The following ANKS1B variants were observed in gnomAD, a reference collection of about 807,000 sequenced individuals.
ANKS1B encodes the protein ankyrin repeat and sterile alpha motif domain-containing protein 1B.
In ANKS1B, 36 loss-of-function variants were observed where a neutral mutation model predicts 148.3. That is an observed-to-expected ratio of 0.24 (90% confidence interval 0.19 to 0.32). The LOEUF (loss-of-function observed/expected upper bound fraction) is 0.32, where lower values mean the gene tolerates loss of function less well. Among genes scored for constraint, ANKS1B ranks in the 10% least tolerant of loss-of-function variants. The pLI, the probability that ANKS1B is intolerant of heterozygous loss-of-function variation, is 1.00. For missense variants in ANKS1B, 1,157 were observed against 1,542.6 expected, an observed-to-expected ratio of 0.75 and a Z score of 4.19; for synonymous variants, 542 against 560.8, an observed-to-expected ratio of 0.97 and a Z score of 0.47.
chr12:99,632,268 T>C (rs1286343125), intron 9 of ANKS1B, among the ~76,000 whole-genome samples: 2 of 151,732 alleles, frequency 1.3e-5, no homozygotes, highest in Admixed American at 6.6e-5. Context: ...CTGTGGAGGC[T>C]TGGCAGCCTC....
chr12:99,205,664 C>T (rs1478424419), intron 14 of ANKS1B, among the ~76,000 whole-genome samples: 3 of 152,116 alleles, frequency 2.0e-5, no homozygotes, highest in Admixed American at 6.6e-5. Context: ...TTGGGGGTTA[C>T]TTTGTGCTGT....
intron 12 of ANKS1B, among the ~76,000 whole-genome samples, chr12:99,342,867 T>C (rs909626371): frequency 2.6e-5 from 4 of 151,976 alleles, no homozygotes; most frequent in African/African-American, 9.7e-5. Context: ...TAATGTTTTG[T>C]CTTTATGAAT....
At chr12:99,104,637 T>C (rs929882300) in intron 15 of ANKS1B, 1 of 152,242 alleles carries the variant, frequency 6.6e-6, no homozygotes, top group Non-Finnish European at 1.5e-5. Flanking sequence ...AAATAAATCC[T>C]TGTGGAATTG....
chr12:98,989,293 G>A (rs10128795), intron 17 of ANKS1B, among the ~76,000 whole-genome samples: 26,187 of 152,056 alleles, frequency 0.17, 2,453 homozygotes, highest in Non-Finnish European at 0.21. Flanking sequence ...ATATATGGTA[G>A]GAGATAAGGA....
chr12:99,547,433 G>A (rs1224914698), intron 9 of ANKS1B, among the ~76,000 whole-genome samples: 1 of 152,130 alleles, frequency 6.6e-6, no homozygotes, highest in Non-Finnish European at 1.5e-5. Context: ...GAGGAATATA[G>A]GAACTTAAAC....
At chr12:99,674,508 C>T (rs1348475571) in intron 8 of ANKS1B, among the ~76,000 whole-genome samples, 4 of 151,722 alleles carry the variant, frequency 2.6e-5, no homozygotes, top group Non-Finnish European at 5.9e-5. Flanking sequence ...TAAAACACTA[C>T]AGGACTTGTG....
At chr12:98,755,087 T>C (rs1490526307) in intron 25 of ANKS1B, among the ~76,000 whole-genome samples, 1 of 151,944 alleles carries the variant, frequency 6.6e-6, no homozygotes, top group Non-Finnish European at 1.5e-5. Context: ...TTCCAAGTGC[T>C]GTGTTGCCCA....
chr12:99,772,241 C>G, intron 8 of ANKS1B, among the ~76,000 whole-genome samples: 1 of 152,076 alleles, frequency 6.6e-6, no homozygotes, highest in Admixed American at 6.6e-5. Context: ...CTAATCTTAT[C>G]TCCCCTCTTT....
chr12:99,302,154 G>A (rs2081724822), intron 12 of ANKS1B, among the ~76,000 whole-genome samples: 1 of 152,054 alleles, frequency 6.6e-6, no homozygotes, highest in Non-Finnish European at 1.5e-5. Flanking sequence ...TACTGATTTA[G>A]TTCATATGAA....
intron 9 of ANKS1B, among the ~76,000 whole-genome samples, chr12:99,622,131 T>A (rs1324024505): frequency 6.6e-6 from 1 of 151,978 alleles, no homozygotes; most frequent in African/African-American, 2.4e-5. Flanking sequence ...GAAAATTAAA[T>A]AACTTTCTGC....
chr12:98,958,768 T>C (rs1568019367), intron 17 of ANKS1B, among the ~76,000 whole-genome samples: 1 of 152,224 alleles, frequency 6.6e-6, no homozygotes, highest in East Asian at 1.9e-4. Flanking sequence ...AGCCACTGCT[T>C]ATGTGTTTAA....
chr12:99,621,012 C>CAG (rs959590446), intron 9 of ANKS1B, among the ~76,000 whole-genome samples: 14 of 152,148 alleles, frequency 9.2e-5, no homozygotes, highest in African/African-American at 3.1e-4. Context: ...ATAGTCAGAT[C>CAG]ACATACAAAG....
chr12:99,616,393 C>T (rs1278468164), intron 9 of ANKS1B, among the ~76,000 whole-genome samples: 1 of 152,132 alleles, frequency 6.6e-6, no homozygotes, highest in Non-Finnish European at 1.5e-5. Context: ...TCAAACTATA[C>T]TACAAGGCTA....
At chr12:99,937,726 C>T (rs984874923) in intron 1 of ANKS1B, among the ~76,000 whole-genome samples, 14 of 152,118 alleles carry the variant, frequency 9.2e-5, no homozygotes, top group Non-Finnish European at 8.8e-5. Context: ...AGGATACCTT[C>T]TTCTGAGAAA....
chr12:99,864,718 A>G (rs967132747), intron 1 of ANKS1B, among the ~76,000 whole-genome samples: 5 of 152,316 alleles, frequency 3.3e-5, no homozygotes, highest in African/African-American at 7.2e-5. Context: ...GTGAAATGAT[A>G]TAATAACATC....
chr12:99,661,941 G>A (rs550677555), intron 8 of ANKS1B, among the ~76,000 whole-genome samples: 8 of 152,262 alleles, frequency 5.3e-5, no homozygotes, highest in African/African-American at 1.7e-4. Flanking sequence ...AATAGCTGGA[G>A]CTGGAGCATT....
intron 8 of ANKS1B, among the ~76,000 whole-genome samples, chr12:99,708,374 A>T (rs192290250): frequency 5.7e-4 from 87 of 152,270 alleles, no homozygotes; most frequent in Admixed American, 2.6e-3. Context: ...ATCCTGTATT[A>T]GTTTCTTTTG....
At chr12:99,673,523 A>G (rs1366646211) in intron 8 of ANKS1B, among the ~76,000 whole-genome samples, 1 of 152,098 alleles carries the variant, frequency 6.6e-6, no homozygotes, top group African/African-American at 2.4e-5. Context: ...AAACAATAGT[A>G]TAAGCATTAT....
At chr12:98,877,972 C>T (rs191075386) in intron 17 of ANKS1B, among the ~76,000 whole-genome samples, 260 of 152,194 alleles carry the variant, frequency 1.7e-3, no homozygotes, top group Admixed American at 3.5e-3. Context: ...AAATAGCTTA[C>T]AATCTACTAG....
Sources: gnomAD v4.1 joint callset for allele counts (sites outside exome capture counted in the v4.1 genomes callset) on GRCh38, gnomAD v4.1.1 for gene constraint, MANE v1.5 for transcripts, NCBI Gene and HGNC (gene_info 2026-07-23, HGNC 2026-07-21) for gene names.